The following TSPAN9 variants were observed in gnomAD, a reference collection of about 807,000 sequenced individuals.
The protein encoded by TSPAN9 is tetraspanin 9, also known as tetraspanin-9.
Under a neutral mutation model 31.0 loss-of-function variants are expected in TSPAN9, and 16 were observed. The ratio of observed to expected loss-of-function variants is 0.52; its 90% CI spans 0.35 to 0.78. TSPAN9 has a LOEUF of 0.78. TSPAN9 is among the 30% of genes least tolerant of loss of function. TSPAN9 has a pLI of 0.01. For missense variants in TSPAN9, 272 were observed against 312.5 expected, an observed-to-expected ratio of 0.87 and a Z score of 0.98; for synonymous variants, 145 against 121.6, an observed-to-expected ratio of 1.19 and a Z score of -1.27.
intron 3 of TSPAN9, among the ~76,000 whole-genome samples, chr12:3,203,173 G>A (rs777656801): frequency 8.6e-5 from 13 of 151,738 alleles, no homozygotes; most frequent in East Asian, 1.9e-4. Context: ...CCTGCTGGCC[G>A]GAGTTGGTAT....
intron 3 of TSPAN9, among the ~76,000 whole-genome samples, chr12:3,230,672 C>T (rs2098390235): frequency 6.6e-6 from 1 of 152,084 alleles, no homozygotes; most frequent in African/African-American, 2.4e-5. Flanking sequence ...GTTTTCCCCA[C>T]ACTGCTCTGG....
At position 3,147,395 on chromosome 12, in the gene TSPAN9, CGAG is replaced by C. The variant is rs1351949500; in HGVS notation, c.-17-53778_-17-53776del. On this transcript the variant is annotated intron_variant, in intron 2 of 8. Transcript: ENST00000011898. This position sits in a 1 kb window ranked among gnomAD's most constrained non-coding sequence, Gnocchi z 4.3. ...GTGTTGGGGCCCGGGAGACCCTCGC[CGAG>C]GAGCAAGGTTGGTGGTGGGCATGCT... Among the ~76,000 whole-genome samples, 2 of 152,184 alleles carry C rather than the reference CGAG, an allele frequency of 1.3e-5. No homozygotes were observed. Among genetic ancestry groups the C allele is most frequent in the African/African-American group, 4.8e-5 (2 of 41,454 alleles).
chr12:3,154,008 A>ATGTGTG (rs1217236640), intron 2 of TSPAN9, among the ~76,000 whole-genome samples: 2 of 56,234 alleles, frequency 3.6e-5, no homozygotes, highest in African/African-American at 1.1e-4. Flanking sequence ...TATTATATAT[A>ATGTGTG]TATGTGTGTG....
At chr12:3,252,180 A>T (rs1048944672) in intron 3 of TSPAN9, among the ~76,000 whole-genome samples, 1 of 152,112 alleles carries the variant, frequency 6.6e-6, no homozygotes, top group Non-Finnish European at 1.5e-5. Flanking sequence ...GTGTCCCTCA[A>T]GTTCTCTAAG....
intron 3 of TSPAN9, among the ~76,000 whole-genome samples, chr12:3,217,128 C>T (rs1190615436): frequency 6.6e-6 from 1 of 152,188 alleles, no homozygotes; most frequent in African/African-American, 2.4e-5. Flanking sequence ...TCCCAGGCTG[C>T]TATTCGTGGC....
chr12:3,213,147 G>A lies in TSPAN9; in HGVS notation c.63+11891G>A, dbSNP rs1225227287. ...TGGCACTTTGGATCATGCGGGGAAG[G>A]GCATTAAAGAACGCCAGGTGGAGGA... On this transcript the variant is annotated intron_variant, in intron 3 of 8. Transcript: ENST00000011898. Among the ~76,000 whole-genome samples, 3 of 152,166 alleles carry A rather than the reference G, an allele frequency of 2.0e-5. No individual in the cohort carries two copies. The East Asian group carries it at 5.8e-4, about 29-fold the overall frequency.
intron 3 of TSPAN9, among the ~76,000 whole-genome samples, chr12:3,244,871 C>T (rs990007420): frequency 2.0e-5 from 3 of 152,190 alleles, no homozygotes; most frequent in Non-Finnish European, 4.4e-5. Flanking sequence ...CTCCCCTGCT[C>T]CTCCTGGGGC....
chr12:3,226,918 A>G (rs2098388144), intron 3 of TSPAN9, among the ~76,000 whole-genome samples: 2 of 148,448 alleles, frequency 1.3e-5, no homozygotes, highest in Non-Finnish European at 3.0e-5. Context: ...TGTGGTCTGA[A>G]TCCTTCCCAA....
chr12:3,160,178 A>C (rs946275663), intron 2 of TSPAN9, among the ~76,000 whole-genome samples: 2 of 152,178 alleles, frequency 1.3e-5, no homozygotes, highest in Admixed American at 1.3e-4. Flanking sequence ...TTTTAAATGG[A>C]ATCATGTAAT....
intron 2 of TSPAN9, among the ~76,000 whole-genome samples, chr12:3,198,850 T>TCACCACCAGCACAGAC (rs1565610757): frequency 1.1e-5 from 1 of 89,566 alleles, no homozygotes; most frequent in Non-Finnish European, 2.2e-5. Context: ...CCAGCACAGG[T>TCACCACCAGCACAGAC]CACCACCAGC....
At chr12:3,103,082 T>C (rs779206646) in intron 2 of TSPAN9, among the ~76,000 whole-genome samples, 17 of 152,194 alleles carry the variant, frequency 1.1e-4, no homozygotes, top group Non-Finnish European at 1.9e-4. Context: ...AATAAAAACA[T>C]GATATAATCC....
At position 3,135,067 on chromosome 12, in the gene TSPAN9, C is replaced by G. The variant is rs1021308949; in HGVS notation, c.-18+51348C>G. Among the ~76,000 whole-genome samples the G allele has an allele frequency of 4.6e-5, 7 of 152,176 alleles. No individual in the cohort carries two copies. In the South Asian group the frequency reaches 1.5e-3, roughly 32 times the overall value. On this transcript the variant is annotated intron_variant, in intron 2 of 8. Coordinates refer to ENST00000011898, the MANE Select transcript of TSPAN9 (RefSeq NM_006675.5). Reference sequence around the variant, plus strand: ...TTCTCAGTGCCTAGGCACTGCATTGCTTTAGAGTTGGGGCAACACTATTAA... The same window carrying G: ...TTCTCAGTGCCTAGGCACTGCATTGGTTTAGAGTTGGGGCAACACTATTAA...
intron 2 of TSPAN9, among the ~76,000 whole-genome samples, chr12:3,159,529 T>G (rs762164864): frequency 6.6e-6 from 1 of 152,122 alleles, no homozygotes; most frequent in Non-Finnish European, 1.5e-5. Context: ...TTAAATGAGG[T>G]CACCAGGGCA....
intron 3 of TSPAN9, among the ~76,000 whole-genome samples, chr12:3,271,412 A>G (rs1441214851): frequency 4.6e-5 from 7 of 152,184 alleles, no homozygotes; most frequent in African/African-American, 7.2e-5. Context: ...CCTAACTTTC[A>G]GTTTGAGACA....
chr12:3,243,365 G>C (rs1393878111), intron 3 of TSPAN9, among the ~76,000 whole-genome samples: 1 of 152,150 alleles, frequency 6.6e-6, no homozygotes, highest in Non-Finnish European at 1.5e-5. Context: ...CCAGGAGGCA[G>C]GGGCTCCTGT....
At chr12:3,191,853 A>G (rs1221536314) in intron 2 of TSPAN9, among the ~76,000 whole-genome samples, 2 of 152,198 alleles carry the variant, frequency 1.3e-5, no homozygotes, top group East Asian at 1.9e-4. Context: ...GGTGACTGCT[A>G]TGAGAAAAAA....
chr12:3,094,008 G>A (rs1195588597), intron 2 of TSPAN9, among the ~76,000 whole-genome samples: 1 of 151,310 alleles, frequency 6.6e-6, no homozygotes, highest in East Asian at 1.9e-4. Flanking sequence ...GACCACAGAT[G>A]TGCAACACCA....
intron 3 of TSPAN9, among the ~76,000 whole-genome samples, chr12:3,275,785 A>G (rs1353287724): frequency 6.6e-6 from 1 of 152,158 alleles, no homozygotes; most frequent in Non-Finnish European, 1.5e-5. Flanking sequence ...CCCACTCTCC[A>G]CAGTGTGAAG....
intron 1 of TSPAN9, among the ~76,000 whole-genome samples, chr12:3,079,834 A>G (rs12580314): frequency 0.25 from 37,052 of 149,602 alleles, 5,214 homozygotes; most frequent in South Asian, 0.38. Context: ...GCACAGGGAC[A>G]CAAGCAGCTC....
Sources: allele counts gnomAD v4.1 joint callset (sites outside exome capture counted in the v4.1 genomes callset), GRCh38; gene constraint gnomAD v4.1.1; non-coding constraint Gnocchi (gnomAD v3.1); transcripts MANE v1.5; gene names NCBI Gene and HGNC (gene_info 2026-07-23, HGNC 2026-07-21).